Variants in TRIM67 observed in about 807,000 individuals in gnomAD.
TRIM67 encodes tripartite motif-containing protein 67.
TRIM67 carries 39 observed loss-of-function variants against 71.0 expected under a neutral mutation model. That is an observed-to-expected ratio of 0.55 (90% confidence interval 0.43 to 0.72). The LOEUF is 0.72. Among genes scored for constraint, TRIM67 ranks in the 30% least tolerant of loss-of-function variants. TRIM67 has a pLI of 0.00. For synonymous variants in TRIM67, 481 were observed against 473.9 expected (o/e 1.01, Z -0.19); for missense variants, 973 against 1,079.2 (o/e 0.90, Z 1.38).
chr1:231,162,117 G>C lies in TRIM67; in HGVS notation c.-853G>C, dbSNP rs1682300687. The C allele has an allele frequency of 6.6e-6, 1 of 152,096 alleles. No individual in the cohort carries two copies. The highest frequency in any genetic ancestry group is 1.5e-5 in the Non-Finnish European group (1 of 67,948). The allele number at this position is 152,096 out of a possible 1,614,324, so 9.4% of individuals were successfully genotyped here. On this transcript the variant is annotated 5_prime_UTR_variant, in exon 1 of 10. Transcript: ENST00000366653. ...GCAGCGGCGGGAGGGAGGCGGGGAGGGGATTCCCGAGCCAGCCGGACGCTC... is the reference window on the plus strand; with the variant it reads ...GCAGCGGCGGGAGGGAGGCGGGGAGCGGATTCCCGAGCCAGCCGGACGCTC...
At chr1:231,169,052 T>C (rs1682551566) in intron 1 of TRIM67, among the ~76,000 whole-genome samples, 1 of 150,164 alleles carries the variant, frequency 6.7e-6, no homozygotes, top group Admixed American at 6.7e-5. Flanking sequence ...AAGCCCTAGA[T>C]ATTTTTTTTT....
chr1:231,189,467 G>A (rs1269055637), intron 1 of TRIM67, among the ~76,000 whole-genome samples: 1 of 152,304 alleles, frequency 6.6e-6, no homozygotes, highest in East Asian at 1.9e-4. Context: ...TTGTAAGAGG[G>A]AGATAGGAGG....
chr1:231,193,509 T>G (rs866635568), intron 1 of TRIM67, among the ~76,000 whole-genome samples: 3 of 122,836 alleles, frequency 2.4e-5, no homozygotes, highest in East Asian at 3.1e-4. Context: ...TCAAGCTCTC[T>G]CTCTCTCTCT....
intron 1 of TRIM67, among the ~76,000 whole-genome samples, chr1:231,179,431 G>A (rs1187290603): frequency 1.3e-5 from 2 of 152,162 alleles, no homozygotes; most frequent in Non-Finnish European, 2.9e-5. Flanking sequence ...TCCGGTTAGG[G>A]GTTAGGATTT....
At chr1:231,194,788 T>C (rs865837655) in intron 1 of TRIM67, among the ~76,000 whole-genome samples, 1 of 152,134 alleles carries the variant, frequency 6.6e-6, no homozygotes, top group African/African-American at 2.4e-5. Context: ...ACTCAAGCCA[T>C]CCTCCTGCCC....
At position 231,216,855 on chromosome 1, in the gene TRIM67, C is replaced by G; in HGVS notation, c.*1415C>G. On this transcript the variant is annotated 3_prime_UTR_variant, in exon 10 of 10. Coordinates refer to ENST00000366653, the MANE Select transcript of TRIM67 (RefSeq NM_001004342.5). ...GTTCCCAGGGAACCCTTCCTCTCCT[C>G]CCTCCTCTCATCTTCCCAGTCACCT... 1.0e-6 allele frequency: 1 copy of G among 983,734 alleles called. No homozygotes were observed. 60.9% of individuals were successfully genotyped at this position (983,734 alleles called of 1,614,324 possible). A position where few individuals can be genotyped will look rare whatever the true frequency, so the allele number is the denominator to read the frequency against.
At chr1:231,165,078 C>T (rs1202588982) in intron 1 of TRIM67, among the ~76,000 whole-genome samples, 1 of 152,134 alleles carries the variant, frequency 6.6e-6, no homozygotes, top group Non-Finnish European at 1.5e-5. Context: ...CAATTTTCAC[C>T]CCTTACCCCA....
At chr1:231,167,765 T>A (rs1682515237) in intron 1 of TRIM67, among the ~76,000 whole-genome samples, 1 of 152,082 alleles carries the variant, frequency 6.6e-6, no homozygotes, top group Admixed American at 6.5e-5. Flanking sequence ...AACTCTCACG[T>A]CTTAAGGCTC....
At chr1:231,176,275 C>T (rs1398851865) in intron 1 of TRIM67, among the ~76,000 whole-genome samples, 1 of 152,160 alleles carries the variant, frequency 6.6e-6, no homozygotes, top group African/African-American at 2.4e-5. Context: ...TACAGCCAAC[C>T]TGATGTATAT....
At chr1:231,204,756 T>A (rs1683650620) in intron 6 of TRIM67, among the ~76,000 whole-genome samples, 1 of 152,226 alleles carries the variant, frequency 6.6e-6, no homozygotes, top group Non-Finnish European at 1.5e-5. Context: ...ACTGCAATCA[T>A]AACAACACTC....
Position 231,218,904 on chromosome 1 carries a change from A to C in TRIM67, c.*3464A>C, listed in dbSNP as rs761169897. ...GTGCCCCTGCCCTCCGCCCCACCAC[A>C]GCACTCTCAGGAAAGGATCAGAATG... On this transcript the variant is annotated 3_prime_UTR_variant, in exon 10 of 10. Coordinates refer to ENST00000366653, the MANE Select transcript of TRIM67 (RefSeq NM_001004342.5). 3.0e-6 allele frequency: 3 copies of C among 985,474 alleles called. No homozygotes were observed. Among genetic ancestry groups the C allele is most frequent in the East Asian group, 1.1e-4 (1 of 8,804 alleles). 61.0% of individuals were successfully genotyped at this position (985,474 alleles called of 1,614,324 possible). A position where few individuals can be genotyped will look rare whatever the true frequency, so the allele number is the denominator to read the frequency against.
chr1:231,186,621 C>T (rs1683083561), intron 1 of TRIM67, among the ~76,000 whole-genome samples: 1 of 152,182 alleles, frequency 6.6e-6, no homozygotes, highest in Admixed American at 6.5e-5. Context: ...CTCCCCTCTT[C>T]ATAAGGACAC....
chr1:231,208,900 C>A (rs758806816), intron 7 of TRIM67, 47 bp from the exon 8 acceptor site: 4 of 1,513,306 alleles, frequency 2.6e-6, no homozygotes, highest in Non-Finnish European at 3.6e-6. Flanking sequence ...AAACTACTAG[C>A]AAATTCCATC....
intron 8 of TRIM67, among the ~76,000 whole-genome samples, chr1:231,213,412 G>A (rs1411801077): frequency 6.6e-6 from 1 of 152,154 alleles, no homozygotes; most frequent in East Asian, 1.9e-4. Context: ...GTTTAAGTGA[G>A]GTTGTTCCCA....
At chr1:231,174,152 C>CTTTTTTTTTTTTTTTTTTTTTTTTT (rs35651112) in intron 1 of TRIM67, among the ~76,000 whole-genome samples, 3 of 127,354 alleles carry the variant, frequency 2.4e-5, no homozygotes, top group Non-Finnish European at 4.9e-5. Flanking sequence ...GTCTTATTTT[C>CTTTTTTTTTTTTTTTTTTTTTTTTT]TTTTTTTTTT....
intron 1 of TRIM67, among the ~76,000 whole-genome samples, chr1:231,176,874 G>C (rs1485175943): frequency 3.4e-5 from 4 of 117,074 alleles, no homozygotes; most frequent in Admixed American, 1.0e-4. Context: ...GTAAATTTCA[G>C]TCATTTTACC....
At position 231,163,866 on chromosome 1, in the gene TRIM67, G is replaced by C; in HGVS notation, c.897G>C (p.Lys299Asn). ...AGATGGSTARKFPTCPEHEME... is the reference protein window; with the variant it reads ...AGATGGSTARNFPTCPEHEME... ...CGACTGGGGGCAGCACGGCCCGCAA[G>C]TTCCCCACGTGTCCCGAGCATGAAA... Residue 299 changes from lysine to asparagine, a missense_variant, in exon 1 of 10, where the codon AAG (lysine) becomes AAC (asparagine). Around this residue, in one of 2 missense-constraint regions of TRIM67, gnomAD observed 795 missense variants for 831.3 expected, o/e 0.96. Transcript: ENST00000366653. 6.4e-7 allele frequency: 1 copy of C among 1,569,340 alleles called. No individual in the cohort carries two copies. The highest frequency in any genetic ancestry group is 8.6e-7 in the Non-Finnish European group (1 of 1,157,984).
At chr1:231,188,586 T>G (rs1400983848) in intron 1 of TRIM67, among the ~76,000 whole-genome samples, 1 of 152,100 alleles carries the variant, frequency 6.6e-6, no homozygotes. Flanking sequence ...TGCAATGGAG[T>G]GCAAAGAGCA....
intron 5 of TRIM67, among the ~76,000 whole-genome samples, chr1:231,202,313 G>A (rs549665334): frequency 6.9e-6 from 1 of 144,786 alleles, no homozygotes; most frequent in African/African-American, 2.8e-5. Context: ...GGTGGTGCAG[G>A]AGGAGGAGGA....
Sources: allele counts gnomAD v4.1 joint callset (sites outside exome capture counted in the v4.1 genomes callset), GRCh38; gene constraint gnomAD v4.1.1; regional missense constraint gnomAD v4.1.1; transcripts MANE v1.5; gene names NCBI Gene and HGNC (gene_info 2026-07-23, HGNC 2026-07-21).